Variants in PNPLA7 observed in about 807,000 individuals in gnomAD.
The protein encoded by PNPLA7 is patatin like domain 7, lysophospholipase.
A neutral mutation model predicts 161.7 loss-of-function variants in PNPLA7; 153 were observed. That is an observed-to-expected ratio of 0.95 (90% confidence interval 0.83 to 1.08). PNPLA7 has a LOEUF of 1.08. Among genes scored for constraint, PNPLA7 ranks in the 50% least tolerant of loss-of-function variants. The pLI is 0.00. For synonymous variants in PNPLA7, 809 were observed against 782.1 expected (o/e 1.03, Z -0.57); for missense variants, 1,739 against 1,856.6 (o/e 0.94, Z 1.16).
intron 12 of PNPLA7, among the ~76,000 whole-genome samples, chr9:137,510,696 G>T (rs1023051022): frequency 6.6e-6 from 1 of 152,156 alleles, no homozygotes; most frequent in Non-Finnish European, 1.5e-5. Flanking sequence ...TCTTTGTCTT[G>T]TGTCTTTATT....
chr9:137,537,641 T>C lies in PNPLA7; in HGVS notation c.747+3001A>G, dbSNP rs900419056. 5.9e-5 allele frequency among the ~76,000 whole-genome samples: 9 copies of C among 152,068 alleles called. No homozygotes were observed. Among genetic ancestry groups the C allele is most frequent in the African/African-American group, 2.2e-4 (9 of 41,388 alleles). ...ATCACCTCCCATTTTTTACTCCCAC[T>C]ACACTCAGGGAAGATCCATTCCCAC... is the stretch of plus-strand genomic sequence containing the variant. On this transcript the variant is annotated intron_variant, in intron 8 of 34. Coordinates refer to ENST00000406427, the MANE Select transcript of PNPLA7 (RefSeq NM_001098537.3). This position sits in a 1 kb window ranked among gnomAD's most constrained non-coding sequence, Gnocchi z 4.5.
Position 137,478,085 on chromosome 9 carries a change from C to A in PNPLA7, c.2831G>T (p.Arg944Met). Residue 944 changes from arginine to methionine, a missense_variant, in exon 25 of 35, where the codon AGG becomes ATG. This residue lies in a region of PNPLA7 where 703 missense variants were observed against 694.6 expected (regional missense o/e 1.01). Transcript: ENST00000406427. Reference sequence around the variant, plus strand: ...GGCAATGGCGTTGCCCGTCAGCACCCTCGCCAGGCGGGAGAAGTCTGAGTG... The same window carrying A: ...GGCAATGGCGTTGCCCGTCAGCACCATCGCCAGGCGGGAGAAGTCTGAGTG... The part of the protein sequence containing the change: ...DRHSDFSRLA[R>M]VLTGNAIALV... The A allele has an allele frequency of 7.2e-7, 1 of 1,396,214 alleles. No individual in the cohort carries two copies. The highest frequency in any genetic ancestry group is 9.3e-7 in the Non-Finnish European group (1 of 1,072,752). The allele number at this position is 1,396,214 out of a possible 1,614,324, so 86.5% of individuals were successfully genotyped here. A position where few individuals can be genotyped will look rare whatever the true frequency, so the allele number is the denominator to read the frequency against.
At chr9:137,508,823 T>C (rs985882027) in intron 12 of PNPLA7, 7 of 152,198 alleles carry the variant, frequency 4.6e-5, no homozygotes, top group Non-Finnish European at 8.8e-5. Flanking sequence ...GAAAATATTT[T>C]TAATATACAT....
intron 8 of PNPLA7, among the ~76,000 whole-genome samples, chr9:137,528,362 T>C (rs947110481): frequency 3.3e-5 from 5 of 152,214 alleles, no homozygotes; most frequent in East Asian, 1.9e-4. Flanking sequence ...TATTTTCTAA[T>C]ATGAGCATTG....
intron 8 of PNPLA7, among the ~76,000 whole-genome samples, chr9:137,527,847 G>A (rs1158459122): frequency 6.6e-6 from 1 of 152,194 alleles, no homozygotes; most frequent in Non-Finnish European, 1.5e-5. Context: ...TGTCCTAAAT[G>A]TTGGGAAGTA....
intron 4 of PNPLA7, among the ~76,000 whole-genome samples, chr9:137,545,362 C>G (rs540418095): frequency 6.6e-6 from 1 of 152,196 alleles, no homozygotes; most frequent in Non-Finnish European, 1.5e-5. Flanking sequence ...CATCCCAAAG[C>G]CTGGCAGAGA....
intron 25 of PNPLA7, among the ~76,000 whole-genome samples, chr9:137,471,561 G>C (rs1417984040): frequency 3.4e-5 from 5 of 146,200 alleles, no homozygotes; most frequent in Admixed American, 6.9e-5. Flanking sequence ...TCGCGCCACT[G>C]CACTCCAGCC....
chr9:137,516,772 C>G (rs995534717), intron 11 of PNPLA7, among the ~76,000 whole-genome samples: 3 of 151,750 alleles, frequency 2.0e-5, no homozygotes, highest in African/African-American at 7.3e-5. Context: ...GAGCCAGTAC[C>G]ACACCACTGC....
intron 31 of PNPLA7, 66 bp from the exon 32 acceptor site, chr9:137,462,107 G>C: frequency 6.6e-7 from 1 of 1,518,460 alleles, no homozygotes; most frequent in Non-Finnish European, 8.9e-7. Flanking sequence ...GTTCTCAAAA[G>C]GGGGAAGCGA....
chr9:137,482,894 A>ACGG (rs1189963194), intron 21 of PNPLA7, among the ~76,000 whole-genome samples: 9 of 152,336 alleles, frequency 5.9e-5, no homozygotes, highest in African/African-American at 2.2e-4. Flanking sequence ...TTGTTTTGAC[A>ACGG]CGGAGTCTTA....
At chr9:137,464,607 GC>G (rs769050358) in intron 26 of PNPLA7, 151 bp from the exon 27 acceptor site, 43 of 722,104 alleles carry the variant, frequency 6.0e-5, no homozygotes, top group Non-Finnish European at 9.9e-5. Flanking sequence ...TGGCGCCCTG[GC>G]TGGAGCCTCA....
At chr9:137,484,841 C>T in intron 20 of PNPLA7, 105 bp from the exon 21 acceptor site, 1 of 1,358,558 alleles carries the variant, frequency 7.4e-7, no homozygotes, top group Non-Finnish European at 9.8e-7. Flanking sequence ...CGCAGCAGCA[C>T]CAGAGGCCGC....
chr9:137,518,103 C>T (rs1202605275), intron 11 of PNPLA7, among the ~76,000 whole-genome samples: 6 of 103,942 alleles, frequency 5.8e-5, no homozygotes, highest in African/African-American at 8.6e-5. Flanking sequence ...TCCACTCTGT[C>T]CACTCCATCC....
rs1390787845 is a variant in PNPLA7, at chr9:137,464,391, T to C, written c.3105A>G (p.Gly1035=). The part of the protein sequence containing the change: ...LTYPITSMFS[G]AGFNSSIFSV... ...TGAAGATGCTGCTGTTGAAGCCGGC[T>C]CCGGAGAACATGGACGTGATGGGGT... Residue 1035 remains glycine, a synonymous_variant, in exon 27 of 35, where the codon GGA becomes GGG. Transcript: ENST00000406427. 2 of 1,613,850 alleles carry C rather than the reference T, an allele frequency of 1.2e-6. No individual in the cohort carries two copies. Among genetic ancestry groups the C allele is most frequent in the African/African-American group, 1.3e-5 (1 of 74,956 alleles).
In PNPLA7 at chr9:137,502,426, C is replaced by A. The variant is rs74901178; in HGVS notation, c.1474-699G>T. Reference sequence around the variant, plus strand: ...GACGGTGAAGGGGGTGAAGGCAGCTCCCCCCCAAAAGAGAAATGACATCAC... The same window carrying A: ...GACGGTGAAGGGGGTGAAGGCAGCTACCCCCCAAAAGAGAAATGACATCAC... On this transcript the variant is annotated intron_variant, in intron 14 of 34. Transcript: ENST00000406427. Among the ~76,000 whole-genome samples the A allele has an allele frequency of 2.0e-3, 309 of 150,930 alleles. 3 individuals are homozygous for A. The highest frequency in any genetic ancestry group is 0.014 in the Admixed American group (208 of 15,168).
chr9:137,520,161 C>A lies in PNPLA7; in HGVS notation c.958-118G>T, dbSNP rs1019205836. ...TCCTCAAAGGTGTGACAGGTGTGGGCCCCTCAAAGGTGTGACAGGTGTGGG... is the reference window on the plus strand; with the variant it reads ...TCCTCAAAGGTGTGACAGGTGTGGGACCCTCAAAGGTGTGACAGGTGTGGG... On this transcript the variant is annotated intron_variant, in intron 10 of 34. Coordinates refer to ENST00000406427, the MANE Select transcript of PNPLA7 (RefSeq NM_001098537.3). This position sits in a 1 kb window ranked among gnomAD's most constrained non-coding sequence, Gnocchi z 5.2. The A allele has an allele frequency of 1.4e-6, 2 of 1,435,276 alleles. No individual in the cohort carries two copies. The highest frequency in any genetic ancestry group is 2.3e-5 in the East Asian group (1 of 43,520). The allele number at this position is 1,435,276 out of a possible 1,614,324, so 88.9% of individuals were successfully genotyped here.
At chr9:137,502,634 C>T (rs116107893) in intron 14 of PNPLA7, among the ~76,000 whole-genome samples, 641 of 39,528 alleles carry the variant, frequency 0.016, 6 homozygotes, top group African/African-American at 0.059. Flanking sequence ...AAGAAAGCGG[C>T]CTCCCTGAGG....
chr9:137,515,437 C>T lies in PNPLA7; in HGVS notation c.1167G>A (p.Gln389=). The change falls in exon 12 of 35, where the codon CAG becomes CAA. Residue 389 remains glutamine, a synonymous_variant. Coordinates refer to ENST00000406427, the MANE Select transcript of PNPLA7 (RefSeq NM_001098537.3). Reference sequence around the variant, plus strand: ...CGGGCTTCTCCAGCTCCTCCAAGATCTGTTTGCGAATGGAAGGCGCGGGGA... The same window carrying T: ...CGGGCTTCTCCAGCTCCTCCAAGATTTGTTTGCGAATGGAAGGCGCGGGGA... ...HSVPAPSIRK[Q]ILEELEKPGA... 1 of 1,603,016 alleles carries T rather than the reference C, an allele frequency of 6.2e-7. No individual in the cohort carries two copies. The highest frequency in any genetic ancestry group is 8.5e-7 in the Non-Finnish European group (1 of 1,175,982).
At chr9:137,492,768 AGGGCAGGGCCATGGGCTGGGT>A (rs1478610655) in intron 20 of PNPLA7, among the ~76,000 whole-genome samples, 14 of 14,564 alleles carry the variant, frequency 9.6e-4, no homozygotes, top group African/African-American at 2.9e-3. Flanking sequence ...GCTTCATGAC[AGGGCAGGGCCATGGGCTGGGT>A]GGGCAGGGCC....
Sources: gnomAD v4.1 joint callset for allele counts (sites outside exome capture counted in the v4.1 genomes callset) on GRCh38, gnomAD v4.1.1 for gene constraint, gnomAD v4.1.1 regional missense constraint, Gnocchi (gnomAD v3.1) non-coding constraint, MANE v1.5 for transcripts, NCBI Gene and HGNC (gene_info 2026-07-23, HGNC 2026-07-21) for gene names.